CRISP2: variants seen among roughly 807,000 people sequenced by gnomAD.
CRISP2 encodes cysteine-rich secretory protein 2.
Under a neutral mutation model 31.7 loss-of-function variants are expected in CRISP2, and 29 were observed. The observed-to-expected ratio is 0.92, with a 90% CI of 0.68 to 1.25. CRISP2 has a LOEUF of 1.25. CRISP2 is among the 50% of genes most tolerant of loss of function. The pLI is 0.00. For missense variants in CRISP2, 318 were observed against 286.5 expected (o/e 1.11, Z -0.79); for synonymous variants, 111 against 101.4 (o/e 1.09, Z -0.57).
chr6:49,694,391 G>C (rs572282494), intron 9 of CRISP2, among the ~76,000 whole-genome samples: 94 of 152,236 alleles, frequency 6.2e-4, no homozygotes, highest in African/African-American at 2.2e-3. Context: ...TGTCCCACTG[G>C]GGCAGTGGAT....
chr6:49,689,833 G>T (rs752377874), downstream of CRISP2, among the ~76,000 whole-genome samples: 1 of 151,946 alleles, frequency 6.6e-6, no homozygotes, highest in Non-Finnish European at 1.5e-5. Context: ...TAACAAAAAG[G>T]TGATAAATTC....
the CRISP2 span, among the ~76,000 whole-genome samples, chr6:49,676,812 A>T: frequency 3.3e-5 from 5 of 152,196 alleles, no homozygotes; most frequent in East Asian, 5.8e-4. Flanking sequence ...GGTAAGGGGG[A>T]TGTAATCATC....
chr6:49,707,035 C>T (rs968140843), intron 4 of CRISP2, among the ~76,000 whole-genome samples: 5 of 152,122 alleles, frequency 3.3e-5, no homozygotes, highest in Non-Finnish European at 7.4e-5. Flanking sequence ...GGTTTCATCT[C>T]AAAACACATA....
At chr6:49,710,064 C>T (rs1767735698) in intron 3 of CRISP2, among the ~76,000 whole-genome samples, 1 of 152,102 alleles carries the variant, frequency 6.6e-6, no homozygotes, top group African/African-American at 2.4e-5. Context: ...GTTATGCTGC[C>T]TAGATTTGTT....
chr6:49,681,484 T>G, the CRISP2 span, among the ~76,000 whole-genome samples: 7 of 152,284 alleles, frequency 4.6e-5, no homozygotes, highest in Non-Finnish European at 1.0e-4. Flanking sequence ...AGACCCACAT[T>G]TGAACAAAGT....
At chr6:49,695,792 C>T in intron 9 of CRISP2, 44 bp downstream of exon 9, 1 of 1,271,448 alleles carries the variant, frequency 7.9e-7, no homozygotes, top group Non-Finnish European at 1.1e-6. Context: ...AAGATAATAT[C>T]AATTCTATAA....
chr6:49,714,197 G>T (rs1561899278), upstream of CRISP2, among the ~76,000 whole-genome samples: 7 of 152,198 alleles, frequency 4.6e-5, no homozygotes, highest in Admixed American at 4.6e-4. Flanking sequence ...AGTAATAGGT[G>T]CATTTTCTTC....
chr6:49,701,645 TATGTATA>T (rs1561876180), intron 4 of CRISP2, among the ~76,000 whole-genome samples: 6 of 126,564 alleles, frequency 4.7e-5, no homozygotes, highest in Non-Finnish European at 9.6e-5. Flanking sequence ...ATACATTATA[TATGTATA>T]CATTATATAT....
chr6:49,677,526 G>T, the CRISP2 span, among the ~76,000 whole-genome samples: 1 of 152,146 alleles, frequency 6.6e-6, no homozygotes, highest in East Asian at 1.9e-4. Context: ...TGAAGGGCAG[G>T]TAGTGTTCTT....
At chr6:49,701,608 C>T (rs984108877) in intron 4 of CRISP2, among the ~76,000 whole-genome samples, 3 of 53,378 alleles carry the variant, frequency 5.6e-5, no homozygotes, top group Non-Finnish European at 7.3e-5. Flanking sequence ...CACACACACA[C>T]GGTATATATA....
chr6:49,696,734 C>T (rs1168415877), intron 8 of CRISP2, among the ~76,000 whole-genome samples: 2 of 151,998 alleles, frequency 1.3e-5, no homozygotes, highest in Non-Finnish European at 2.9e-5. Context: ...ATGTGGGAGT[C>T]CAAATCTCAA....
upstream of CRISP2, among the ~76,000 whole-genome samples, chr6:49,714,071 C>T (rs535653614): frequency 3.2e-4 from 48 of 152,270 alleles, no homozygotes; most frequent in African/African-American, 1.1e-3. Context: ...CGAAGAGTAA[C>T]AGGAACAACT....
At chr6:49,692,953 A>G in intron 9 of CRISP2, 53 bp from the exon 10 acceptor site, 1 of 1,596,492 alleles carries the variant, frequency 6.3e-7, no homozygotes, top group Non-Finnish European at 8.6e-7. Context: ...AGTAAGAGCA[A>G]AACCATACAT....
intron 6 of CRISP2, 22 bp from the exon 7 acceptor site, chr6:49,698,529 A>C (rs762598118): frequency 6.3e-7 from 1 of 1,587,080 alleles, no homozygotes; most frequent in South Asian, 1.2e-5. Flanking sequence ...ATCATTCATG[A>C]GCAAGGTAAT....
At chr6:49,680,523 TG>T in the CRISP2 span, among the ~76,000 whole-genome samples, 3 of 152,216 alleles carry the variant, frequency 2.0e-5, no homozygotes, top group African/African-American at 7.2e-5. Flanking sequence ...TACCCAGTAA[TG>T]GGATTGCTGA....
the CRISP2 span, among the ~76,000 whole-genome samples, chr6:49,677,784 G>A: frequency 6.6e-6 from 1 of 152,114 alleles, no homozygotes; most frequent in Non-Finnish European, 1.5e-5. Flanking sequence ...TACACTTAAG[G>A]AAGTCTAGGG....
chr6:49,693,829 A>G, intron 9 of CRISP2, among the ~76,000 whole-genome samples: 1 of 151,926 alleles, frequency 6.6e-6, no homozygotes, highest in East Asian at 1.9e-4. Flanking sequence ...TAAATTTCTA[A>G]ATTGTTTCTC....
At chr6:49,712,176 T>A (rs780993206) in intron 2 of CRISP2, among the ~76,000 whole-genome samples, 1 of 152,196 alleles carries the variant, frequency 6.6e-6, no homozygotes, top group Non-Finnish European at 1.5e-5. Context: ...GGCTGTTGTA[T>A]CCTCATCAGC....
intron 4 of CRISP2, among the ~76,000 whole-genome samples, chr6:49,702,249 A>T (rs2127415658): frequency 7.0e-6 from 1 of 142,108 alleles, no homozygotes; most frequent in South Asian, 2.2e-4. Flanking sequence ...TGCAATTGTG[A>T]ATTGTACTGC....
Sources: gnomAD v4.1 joint callset for allele counts (sites outside exome capture counted in the v4.1 genomes callset) on GRCh38, gnomAD v4.1.1 for gene constraint, MANE v1.5 for transcripts, NCBI Gene and HGNC (gene_info 2026-07-23, HGNC 2026-07-21) for gene names.